The following RAB3GAP1 variants were observed in gnomAD, a reference collection of about 807,000 sequenced individuals.
The protein encoded by RAB3GAP1 is rab3 GTPase-activating protein catalytic subunit.
A neutral mutation model predicts 130.7 loss-of-function variants in RAB3GAP1; 86 were observed. That is an observed-to-expected ratio of 0.66 (90% CI 0.55 to 0.79). RAB3GAP1 has a LOEUF of 0.79. Among genes scored for constraint, RAB3GAP1 ranks in the 30% least tolerant of loss-of-function variants. The pLI is 0.00. For missense variants in RAB3GAP1, 1,029 were observed against 1,169.4 expected (o/e 0.88, Z 1.75); for synonymous variants, 367 against 401.7 (o/e 0.91, Z 1.03).
chr2:135,081,509 C>T (rs1291833161), intron 3 of RAB3GAP1, among the ~76,000 whole-genome samples: 1 of 150,396 alleles, frequency 6.6e-6, no homozygotes, highest in African/African-American at 2.4e-5. Context: ...AAGTGTTCTT[C>T]CACACTTTTG....
In RAB3GAP1 at chr2:135,130,302, A is replaced by G. The variant is rs368742263; in HGVS notation, c.1066+215A>G. ...AAGTTCTTTCCACCAAAAATGTAAA[A>G]TATTTTGAAAAGCAGAGTTTTAGAG... On this transcript the variant is annotated intron_variant, in intron 12 of 23. Transcript: ENST00000264158. Among the ~76,000 whole-genome samples the G allele has an allele frequency of 2.2e-4, 33 of 152,314 alleles. No individual in the cohort carries two copies. The South Asian group carries it at 5.8e-3, about 27-fold the overall frequency.
Position 135,135,943 on chromosome 2 carries a change from C to G in RAB3GAP1, c.1923+11C>G. On this transcript the variant is annotated intron_variant, in intron 17 of 23. Coordinates refer to ENST00000264158, the MANE Select transcript of RAB3GAP1 (RefSeq NM_012233.3). ...ATTCCAGTAACCCAGGTAGGATGCACTAGTTCTTTCCATTTTAATTTATTT... is the reference window on the plus strand; with the variant it reads ...ATTCCAGTAACCCAGGTAGGATGCAGTAGTTCTTTCCATTTTAATTTATTT... 1 of 1,612,314 alleles carries G rather than the reference C, an allele frequency of 6.2e-7. No homozygotes were observed. Among genetic ancestry groups the G allele is most frequent in the East Asian group, 2.2e-5 (1 of 44,868 alleles).
chr2:135,162,247 T>C (rs1692483308), intron 19 of RAB3GAP1, among the ~76,000 whole-genome samples: 2 of 152,234 alleles, frequency 1.3e-5, no homozygotes, highest in Non-Finnish European at 2.9e-5. Context: ...ATGAAAATGC[T>C]CCACTGTCAA....
At chr2:135,091,497 GAGA>G (rs143493296) in intron 4 of RAB3GAP1, among the ~76,000 whole-genome samples, 6,582 of 152,216 alleles carry the variant, frequency 0.043, 476 homozygotes, top group African/African-American at 0.15. Flanking sequence ...TGGGAGATTA[GAGA>G]AGGAGAATTA....
chr2:135,161,183 A>G (rs1205938329), intron 19 of RAB3GAP1, among the ~76,000 whole-genome samples: 3 of 152,194 alleles, frequency 2.0e-5, no homozygotes, highest in South Asian at 2.1e-4. Flanking sequence ...TCCTAGTTCA[A>G]TTGTTAGGTA....
Position 135,130,667 on chromosome 2 carries a change from CAG to C in RAB3GAP1, c.1185_1186del (p.Gly396CysfsTer8). On this transcript the variant is annotated frameshift_variant, in exon 13 of 24. Transcript: ENST00000264158. LOFTEE classifies it high-confidence loss of function. ...HTAKKKIRKHRGVEESPLNND... is the reference protein window; with the variant it reads ...HTAKKKIRKHXGVEESPLNND... ...CTGCAAAGAAGAAAATCCGAAAACA[CAG>C]AGGTGTAGAGGAGTCACCGCTAAAT... The C allele has an allele frequency of 6.2e-7, 1 of 1,613,774 alleles. No homozygotes were observed. Among genetic ancestry groups the C allele is most frequent in the Non-Finnish European group, 8.5e-7 (1 of 1,179,736 alleles).
chr2:135,147,770 G>T (rs1361040993), intron 17 of RAB3GAP1, among the ~76,000 whole-genome samples: 1 of 151,918 alleles, frequency 6.6e-6, no homozygotes, highest in Non-Finnish European at 1.5e-5. Context: ...CCACGACCAT[G>T]CCCAGCTACT....
At chr2:135,140,437 A>AT (rs992777066) in intron 17 of RAB3GAP1, among the ~76,000 whole-genome samples, 2 of 152,170 alleles carry the variant, frequency 1.3e-5, no homozygotes, top group Non-Finnish European at 2.9e-5. Context: ...AGGTTTAGTG[A>AT]TTTTCTAGGA....
In RAB3GAP1 at chr2:135,105,578, G is replaced by A. The variant is rs538890962; in HGVS notation, c.363-7573G>A. Among the ~76,000 whole-genome samples the A allele has an allele frequency of 5.9e-3, 892 of 151,284 alleles. 1 individual carries two copies. The highest frequency in any genetic ancestry group is 0.01 in the Middle Eastern group (3 of 294). On this transcript the variant is annotated intron_variant, in intron 5 of 23. Coordinates refer to ENST00000264158, the MANE Select transcript of RAB3GAP1 (RefSeq NM_012233.3). ...GAGTGCAGTGGCGTGATCTCGGCTC[G>A]CTACAACCTCCACCTCCCAGCCGCC... is the stretch of plus-strand genomic sequence containing the variant.
chr2:135,146,714 T>G (rs913851960), intron 17 of RAB3GAP1, among the ~76,000 whole-genome samples: 3 of 152,118 alleles, frequency 2.0e-5, no homozygotes, highest in Admixed American at 6.5e-5. Flanking sequence ...AATTTGCGCA[T>G]TCTAGAATTT....
At chr2:135,098,719 T>TA (rs1690369112) in intron 5 of RAB3GAP1, among the ~76,000 whole-genome samples, 1 of 152,336 alleles carries the variant, frequency 6.6e-6, no homozygotes, top group East Asian at 1.9e-4. Context: ...AGCAGTGTCT[T>TA]ACAGTTTTCA....
At chr2:135,132,032 A>G (rs746923031) in intron 13 of RAB3GAP1, among the ~76,000 whole-genome samples, 5 of 152,242 alleles carry the variant, frequency 3.3e-5, no homozygotes, top group African/African-American at 1.2e-4. Flanking sequence ...AGTGATACTT[A>G]GCTCAAACAG....
chr2:135,128,258 G>A (rs1691415364), intron 11 of RAB3GAP1, among the ~76,000 whole-genome samples: 1 of 152,206 alleles, frequency 6.6e-6, no homozygotes, highest in Non-Finnish European at 1.5e-5. Context: ...AATGTCAAGA[G>A]TATTACAGTT....
intron 17 of RAB3GAP1, among the ~76,000 whole-genome samples, chr2:135,136,133 C>G (rs1195472641): frequency 1.3e-5 from 2 of 152,102 alleles, no homozygotes; most frequent in East Asian, 3.9e-4. Flanking sequence ...CAAGATAAGT[C>G]TGGCCAACAT....
At chr2:135,063,714 G>C (rs551877417) in intron 3 of RAB3GAP1, among the ~76,000 whole-genome samples, 53 of 152,026 alleles carry the variant, frequency 3.5e-4, no homozygotes, top group Non-Finnish European at 7.4e-4. Context: ...TTGTTTATCT[G>C]TTCATCTGTT....
chr2:135,087,426 G>A (rs1690018471), intron 3 of RAB3GAP1, among the ~76,000 whole-genome samples: 1 of 152,176 alleles, frequency 6.6e-6, no homozygotes. Context: ...CAAAATGCCT[G>A]TTGCTGATGT....
chr2:135,109,609 G>A (rs1483968649), intron 5 of RAB3GAP1, among the ~76,000 whole-genome samples: 1 of 151,370 alleles, frequency 6.6e-6, no homozygotes, highest in Non-Finnish European at 1.5e-5. Flanking sequence ...AAGAGACAGG[G>A]CCTTGCTCTG....
chr2:135,157,243 T>C (rs561180902), intron 19 of RAB3GAP1, among the ~76,000 whole-genome samples: 1 of 152,238 alleles, frequency 6.6e-6, no homozygotes, highest in Non-Finnish European at 1.5e-5. Context: ...GATCTCAAAC[T>C]CCTGGCCTGA....
At chr2:135,094,058 A>G (rs929044262) in intron 5 of RAB3GAP1, among the ~76,000 whole-genome samples, 1 of 152,304 alleles carries the variant, frequency 6.6e-6, no homozygotes, top group African/African-American at 2.4e-5. Context: ...TTTAACTGGT[A>G]TATACCAAAA....
Sources: allele counts gnomAD v4.1 joint callset (sites outside exome capture counted in the v4.1 genomes callset), GRCh38; gene constraint gnomAD v4.1.1; transcripts MANE v1.5; gene names NCBI Gene and HGNC (gene_info 2026-07-23, HGNC 2026-07-21).